RGS6: variants seen among roughly 807,000 people sequenced by gnomAD.
The protein encoded by RGS6 is regulator of G protein signaling 6.
RGS6 carries 30 observed loss-of-function variants against 78.5 expected under a neutral mutation model. The ratio of observed to expected loss-of-function variants is 0.38; its 90% CI spans 0.29 to 0.52. The LOEUF (loss-of-function observed/expected upper bound fraction) is 0.52. RGS6 is among the 20% of genes least tolerant of loss of function. The probability of loss-of-function intolerance (pLI) is 0.85; values close to 1 mark genes in which losing one functional copy is unlikely to be tolerated. For synonymous variants in RGS6, 206 were observed against 206.0 expected (o/e 1.00, Z 0.00); for missense variants, 495 against 609.7 (o/e 0.81, Z 1.98).
At chr14:72,364,648 G>T (rs1467574122) in intron 3 of RGS6, among the ~76,000 whole-genome samples, 1 of 152,160 alleles carries the variant, frequency 6.6e-6, no homozygotes, top group Non-Finnish European at 1.5e-5. Context: ...AAGAATAATG[G>T]ACATTATAAG....
chr14:72,559,396 G>C (rs557720140), intron 17 of RGS6, among the ~76,000 whole-genome samples: 82 of 152,314 alleles, frequency 5.4e-4, no homozygotes, highest in Non-Finnish European at 1.1e-3. Flanking sequence ...CAAAGCCCCG[G>C]GCCAGGCATC....
chr14:72,279,885 G>C (rs73302883), intron 2 of RGS6, among the ~76,000 whole-genome samples: 7,124 of 152,202 alleles, frequency 0.047, 502 homozygotes, highest in African/African-American at 0.16. Flanking sequence ...TATTAATGCA[G>C]GGCATCAGGC....
the RGS6 span, among the ~76,000 whole-genome samples, chr14:72,591,583 G>A: frequency 1.3e-5 from 2 of 152,108 alleles, no homozygotes; most frequent in African/African-American, 4.8e-5. Flanking sequence ...ATGTAAATGA[G>A]GTTTACTGGT....
chr14:71,884,772 C>A, the RGS6 span, among the ~76,000 whole-genome samples: 1 of 152,164 alleles, frequency 6.6e-6, no homozygotes, highest in African/African-American at 2.4e-5. Flanking sequence ...GAATTGATGT[C>A]TGGATCCACA....
At chr14:72,327,843 G>A (rs2074144884) in intron 2 of RGS6, among the ~76,000 whole-genome samples, 1 of 152,088 alleles carries the variant, frequency 6.6e-6, no homozygotes, top group Non-Finnish European at 1.5e-5. Flanking sequence ...GCTCACAGAG[G>A]TGCTGTATTA....
intron 1 of RGS6, among the ~76,000 whole-genome samples, chr14:71,936,030 A>ATATATATATATATATATATATATATATG (rs1555390437): frequency 2.0e-4 from 26 of 133,202 alleles, no homozygotes; most frequent in African/African-American, 6.7e-4. Context: ...ATATATATAT[A>ATATATATATATATATATATATATATATG]TATATATATA....
chr14:72,601,027 A>G, the RGS6 span, among the ~76,000 whole-genome samples: 3 of 127,352 alleles, frequency 2.4e-5, no homozygotes, highest in South Asian at 2.9e-4. Context: ...GAGGAGGGGG[A>G]GGAGGAAGAG....
chr14:72,200,412 T>C (rs1258749119), intron 2 of RGS6, among the ~76,000 whole-genome samples: 3 of 152,230 alleles, frequency 2.0e-5, no homozygotes, highest in Non-Finnish European at 4.4e-5. Flanking sequence ...GGCTCTGATA[T>C]CTCACTTTTA....
At position 72,495,325 on chromosome 14, in the gene RGS6, G is replaced by A. The variant is rs533073017; in HGVS notation, c.965+63G>A. ...TAGACAAAAATCCATGAGATCATGA[G>A]ATTACCTTATATTCTATCTTAATTT... On this transcript the variant is annotated intron_variant, in intron 13 of 17. Transcript: ENST00000553525. 82 of 1,015,312 alleles carry A rather than the reference G, an allele frequency of 8.1e-5. 4 individuals carry two copies. The South Asian group carries it at 1.0e-3, about 13-fold the overall frequency. The allele number at this position is 1,015,312 out of a possible 1,614,324, so 62.9% of individuals were successfully genotyped here.
At chr14:71,879,487 A>G in the RGS6 span, among the ~76,000 whole-genome samples, 1 of 152,150 alleles carries the variant, frequency 6.6e-6, no homozygotes, top group Non-Finnish European at 1.5e-5. Context: ...CTCATCTTGA[A>G]TTGTAGCTCC....
Position 72,283,811 on chromosome 14 carries a change from T to C in RGS6, c.85-68284T>C, listed in dbSNP as rs189457208. Among the ~76,000 whole-genome samples, 8 of 152,288 alleles carry C rather than the reference T, an allele frequency of 5.3e-5. No homozygotes were observed. The East Asian group carries it at 1.5e-3, about 29-fold the overall frequency. On this transcript the variant is annotated intron_variant, in intron 2 of 17. Coordinates refer to ENST00000553525, the MANE Select transcript of RGS6 (RefSeq NM_001204424.2). ...GTAACAGGGAGAGGCTGGAAGAGTT[T>C]GGAGGGCTCAGAAGAAGACAGGAAA...
chr14:72,030,782 A>C (rs1033854126), intron 2 of RGS6, among the ~76,000 whole-genome samples: 2 of 152,230 alleles, frequency 1.3e-5, no homozygotes, highest in African/African-American at 4.8e-5. Context: ...GGTAGAAATC[A>C]AGTTCCCTGG....
downstream of RGS6, among the ~76,000 whole-genome samples, chr14:72,569,060 A>G (rs953952092): frequency 6.6e-6 from 1 of 152,022 alleles, no homozygotes; most frequent in Non-Finnish European, 1.5e-5. Context: ...TCGCACCCTC[A>G]GTAGAGAACA....
chr14:72,605,026 G>A, the RGS6 span, among the ~76,000 whole-genome samples: 2 of 152,166 alleles, frequency 1.3e-5, no homozygotes, highest in South Asian at 4.1e-4. Flanking sequence ...TTTCTGGGAG[G>A]CAAGGGAGGG....
intron 2 of RGS6, among the ~76,000 whole-genome samples, chr14:72,185,743 A>G (rs1293978020): frequency 6.6e-6 from 1 of 152,212 alleles, no homozygotes; most frequent in East Asian, 1.9e-4. Flanking sequence ...CAGGAGTTCC[A>G]AACCAGCCTG....
At chr14:72,110,491 A>G (rs886202705) in intron 2 of RGS6, among the ~76,000 whole-genome samples, 7 of 152,188 alleles carry the variant, frequency 4.6e-5, no homozygotes, top group Admixed American at 1.3e-4. Context: ...CTCTCTCGGC[A>G]GAAAGTCTAC....
At chr14:72,078,236 G>A (rs1216714143) in intron 2 of RGS6, among the ~76,000 whole-genome samples, 1 of 152,064 alleles carries the variant, frequency 6.6e-6, no homozygotes, top group Admixed American at 6.6e-5. Context: ...TCTTGCACCG[G>A]CCATGTAAGG....
chr14:71,986,766 C>G (rs1247548528), intron 2 of RGS6, among the ~76,000 whole-genome samples: 1 of 152,152 alleles, frequency 6.6e-6, no homozygotes, highest in African/African-American at 2.4e-5. Flanking sequence ...TTCTAGAAAT[C>G]AGGAGTGAAA....
intron 2 of RGS6, among the ~76,000 whole-genome samples, chr14:72,081,326 G>C (rs1054486706): frequency 6.6e-6 from 1 of 152,008 alleles, no homozygotes; most frequent in East Asian, 1.9e-4. Flanking sequence ...TTTGTTGTAT[G>C]TGGAAATGCT....
Sources: gnomAD v4.1 joint callset for allele counts (sites outside exome capture counted in the v4.1 genomes callset) on GRCh38, gnomAD v4.1.1 for gene constraint, MANE v1.5 for transcripts, NCBI Gene and HGNC (gene_info 2026-07-23, HGNC 2026-07-21) for gene names.